The following KIF26B variants were observed in gnomAD, a reference collection of about 807,000 sequenced individuals.
KIF26B encodes the protein kinesin family member 26B, also known as kinesin-like protein KIF26B.
Under a neutral mutation model 151.2 loss-of-function variants are expected in KIF26B, and 63 were observed. The ratio of observed to expected loss-of-function variants is 0.42; its 90% CI spans 0.34 to 0.51. KIF26B has a LOEUF of 0.51. Ranked by LOEUF, KIF26B falls within the 20% of genes least tolerant of loss-of-function variation. The pLI is 0.07. For synonymous variants in KIF26B, 1,357 were observed against 1,262.1 expected (o/e 1.08, Z -1.59); for missense variants, 2,813 against 2,913.6 (o/e 0.97, Z 0.79).
intron 2 of KIF26B, among the ~76,000 whole-genome samples, chr1:245,246,411 G>A (rs1670331759): frequency 6.6e-6 from 1 of 152,178 alleles, no homozygotes; most frequent in Non-Finnish European, 1.5e-5. Context: ...ACACATACAG[G>A]TGGCCACACC....
chr1:245,686,503 G>A lies in KIF26B; in HGVS notation c.3520G>A (p.Val1174Met), dbSNP rs769654428. 1.7e-5 allele frequency: 27 copies of A among 1,612,944 alleles called. No individual in the cohort carries two copies. The highest frequency in any genetic ancestry group is 2.3e-5 in the Non-Finnish European group (27 of 1,179,816). The change falls in exon 12 of 15, where the codon GTG becomes ATG. Residue 1174 changes from valine (V) to methionine (M), a missense_variant. This residue lies in a region of KIF26B where 2,060 missense variants were observed against 2,088.6 expected (regional missense o/e 0.99). Transcript: ENST00000407071. The surrounding 1 kb of genome is among the most constrained non-coding windows in gnomAD (Gnocchi z 5.6). ...GAAGGAGATCCTGAGCACCACGATG[G>A]TGACGGTGCAGCAGCCACTGGAGCT... ...SKKEILSTTM[V>M]TVQQPLELNG...
chr1:245,217,348 T>C (rs1330261369), intron 2 of KIF26B, among the ~76,000 whole-genome samples: 1 of 147,544 alleles, frequency 6.8e-6, no homozygotes, highest in Non-Finnish European at 1.5e-5. Flanking sequence ...CTGGTGGTGA[T>C]TGTTTTATTT....
chr1:245,307,028 G>T (rs143137150), intron 2 of KIF26B, among the ~76,000 whole-genome samples: 1 of 152,270 alleles, frequency 6.6e-6, no homozygotes. Flanking sequence ...GAACAATGCA[G>T]GATCAAACTT....
At chr1:245,448,583 C>A (rs1272142117) in intron 4 of KIF26B, among the ~76,000 whole-genome samples, 1 of 152,146 alleles carries the variant, frequency 6.6e-6, no homozygotes, top group Non-Finnish European at 1.5e-5. Flanking sequence ...AAGATAAGGA[C>A]TAATCTTAGT....
At position 245,602,681 on chromosome 1, in the gene KIF26B, T is replaced by A. The variant is rs1343150711; in HGVS notation, c.1455T>A (p.Asp485Glu). The A allele has an allele frequency of 2.5e-6, 4 of 1,613,886 alleles. No homozygotes were observed. The East Asian group carries it at 8.9e-5, about 36-fold the overall frequency. The change falls in exon 6 of 15, where the codon GAT becomes GAA. Residue 485 changes from aspartate to glutamate, a missense_variant. Asp to Glu is a conservative substitution (Grantham distance 45, BLOSUM62 2). Coordinates refer to ENST00000407071, the MANE Select transcript of KIF26B (RefSeq NM_018012.4). The surrounding 1 kb of genome is among the most constrained non-coding windows in gnomAD (Gnocchi z 4.5). ...DPRKKQITLY[D>E]PLTCGGQNAF... ...GGAAGAAGCAGATCACCTTGTACGA[T>A]CCCCTGACTTGTGGAGGTCAAAATG...
chr1:245,660,999 T>C (rs2044130807), intron 10 of KIF26B, among the ~76,000 whole-genome samples: 1 of 150,890 alleles, frequency 6.6e-6, no homozygotes. Flanking sequence ...CTTTTTTTTT[T>C]TTTTGGAGAC....
At chr1:245,394,917 C>G (rs1250150624) in intron 3 of KIF26B, among the ~76,000 whole-genome samples, 1 of 151,948 alleles carries the variant, frequency 6.6e-6, no homozygotes, top group Non-Finnish European at 1.5e-5. Context: ...GTTTCGAACT[C>G]CTGACCTCAG....
At chr1:245,661,191 G>C (rs986305047) in intron 10 of KIF26B, among the ~76,000 whole-genome samples, 4 of 151,668 alleles carry the variant, frequency 2.6e-5, no homozygotes, top group Non-Finnish European at 2.9e-5. Context: ...TTTGCATGTT[G>C]CCAGGCTGGT....
Position 245,688,298 on chromosome 1 carries a change from G to C in KIF26B, c.5315G>C (p.Ser1772Thr), listed in dbSNP as rs1360356702. ...CCGCAGGCGGTGGGCCAGGGCTCCA[G>C]CTCGCCCCCCGGTGGGAAGCACACG... ...SLPQAVGQGS[S>T]SPPGGKHTPW... is the part of the protein sequence containing the mutation. The change falls in exon 12 of 15, where the codon AGC becomes ACC. Residue 1772 changes from serine (S) to threonine (T), a missense_variant. Transcript: ENST00000407071. The C allele has an allele frequency of 1.3e-6, 2 of 1,596,180 alleles. No individual in the cohort carries two copies. The highest frequency in any genetic ancestry group is 1.7e-6 in the Non-Finnish European group (2 of 1,178,324).
intron 2 of KIF26B, among the ~76,000 whole-genome samples, chr1:245,247,336 TAA>T (rs1670353962): frequency 6.7e-6 from 1 of 150,012 alleles, no homozygotes; most frequent in African/African-American, 2.5e-5. Context: ...TGCTCACCTA[TAA>T]TCCCAGCTAC....
intron 2 of KIF26B, among the ~76,000 whole-genome samples, chr1:245,333,650 C>G (rs1672162604): frequency 6.6e-6 from 1 of 152,106 alleles, no homozygotes; most frequent in Non-Finnish European, 1.5e-5. Flanking sequence ...GCTTGTAACT[C>G]TCCATTTTTT....
At chr1:245,292,899 T>C (rs10802207) in intron 2 of KIF26B, among the ~76,000 whole-genome samples, 89,850 of 152,014 alleles carry the variant, frequency 0.59, 27,510 homozygotes, top group African/African-American at 0.75. Context: ...TCATTAACCT[T>C]GTGGCCCAAA....
intron 4 of KIF26B, among the ~76,000 whole-genome samples, chr1:245,464,951 C>T (rs1104427): frequency 0.83 from 125,121 of 150,896 alleles, 52,104 homozygotes; most frequent in African/African-American, 0.9. Flanking sequence ...CCCGGGCACC[C>T]AGCCGCAGAT....
chr1:245,684,409 G>C lies in KIF26B; in HGVS notation c.2421+14G>C. ...AAGAAGACGAAGGTAAGGAGCTCGC[G>C]GGGTGGGGGGGTGGTGGATGAGGGA... On this transcript the variant is annotated intron_variant, in intron 11 of 14. Transcript: ENST00000407071. The C allele has an allele frequency of 6.4e-7, 1 of 1,564,796 alleles. No homozygotes were observed. The highest frequency in any genetic ancestry group is 1.2e-5 in the South Asian group (1 of 86,828).
At chr1:245,681,833 GAAGAAAC>G (rs2044443722) in intron 10 of KIF26B, among the ~76,000 whole-genome samples, 2 of 152,198 alleles carry the variant, frequency 1.3e-5, no homozygotes, top group African/African-American at 4.8e-5. Flanking sequence ...TCATTATTTT[GAAGAAAC>G]GTATTAAATA....
chr1:245,490,374 C>T (rs544806025), intron 4 of KIF26B, among the ~76,000 whole-genome samples: 31 of 139,216 alleles, frequency 2.2e-4, no homozygotes, highest in African/African-American at 5.2e-4. Flanking sequence ...TGCAGTGGCG[C>T]GATCTCGGCT....
At chr1:245,295,584 C>T (rs1193057917) in intron 2 of KIF26B, among the ~76,000 whole-genome samples, 1 of 152,174 alleles carries the variant, frequency 6.6e-6, no homozygotes, top group African/African-American at 2.4e-5. Flanking sequence ...GTTGAAAGCA[C>T]ATGAGATGTT....
intron 4 of KIF26B, among the ~76,000 whole-genome samples, chr1:245,520,607 C>T (rs10924231): frequency 0.13 from 13,708 of 106,524 alleles, 714 homozygotes; most frequent in Non-Finnish European, 0.15. Flanking sequence ...CATCCACCCA[C>T]CCACCCATCC....
At chr1:245,300,951 C>A (rs1272566700) in intron 2 of KIF26B, among the ~76,000 whole-genome samples, 1 of 150,226 alleles carries the variant, frequency 6.7e-6, no homozygotes, top group Non-Finnish European at 1.5e-5. Context: ...CTGCCTCAGC[C>A]CCCCAGTAGC....
Sources: gnomAD v4.1 joint callset for allele counts (sites outside exome capture counted in the v4.1 genomes callset) on GRCh38, gnomAD v4.1.1 for gene constraint, gnomAD v4.1.1 regional missense constraint, Gnocchi (gnomAD v3.1) non-coding constraint, MANE v1.5 for transcripts, NCBI Gene and HGNC (gene_info 2026-07-23, HGNC 2026-07-21) for gene names.